Variants in CNTNAP2 observed in about 807,000 individuals in gnomAD.
The protein encoded by CNTNAP2 is contactin-associated protein-like 2.
In CNTNAP2, 98 loss-of-function variants were observed where a neutral mutation model predicts 155.2. The ratio of observed to expected loss-of-function variants is 0.63; its 90% CI spans 0.54 to 0.75. The LOEUF (loss-of-function observed/expected upper bound fraction) is 0.75, where lower values mean the gene tolerates loss of function less well. Among genes scored for constraint, CNTNAP2 ranks in the 30% least tolerant of loss-of-function variants. CNTNAP2 has a pLI of 0.00. For missense variants in CNTNAP2, 1,727 were observed against 1,688.1 expected (o/e 1.02, Z -0.40); for synonymous variants, 651 against 631.2 (o/e 1.03, Z -0.47).
chr7:146,497,590 A>G (rs1797237708), intron 1 of CNTNAP2, among the ~76,000 whole-genome samples: 1 of 151,818 alleles, frequency 6.6e-6, no homozygotes, highest in African/African-American at 2.4e-5. Flanking sequence ...TATTCATTCT[A>G]TACTTTCTCT....
At chr7:146,137,976 G>GT (rs1004312230) in intron 1 of CNTNAP2, among the ~76,000 whole-genome samples, 1 of 151,684 alleles carries the variant, frequency 6.6e-6, no homozygotes, top group Non-Finnish European at 1.5e-5. Context: ...TGAGGTTTGG[G>GT]TTTTTTTATT....
At chr7:146,141,659 T>C (rs1308326679) in intron 1 of CNTNAP2, among the ~76,000 whole-genome samples, 1 of 152,154 alleles carries the variant, frequency 6.6e-6, no homozygotes, top group Non-Finnish European at 1.5e-5. Flanking sequence ...TAGGTGGTTT[T>C]CTTTTCAAGC....
chr7:146,320,780 A>T (rs922780542), intron 1 of CNTNAP2, among the ~76,000 whole-genome samples: 4 of 152,202 alleles, frequency 2.6e-5, no homozygotes, highest in African/African-American at 9.6e-5. Context: ...GAGTTCAAAC[A>T]TTAAAGTTAA....
At chr7:147,566,826 C>T (rs1222781646) in intron 12 of CNTNAP2, among the ~76,000 whole-genome samples, 1 of 152,020 alleles carries the variant, frequency 6.6e-6, no homozygotes, top group African/African-American at 2.4e-5. Context: ...GATTAGGGTT[C>T]TCGTGTTAAA....
At chr7:147,683,790 C>G (rs1184395909) in intron 13 of CNTNAP2, among the ~76,000 whole-genome samples, 1 of 149,502 alleles carries the variant, frequency 6.7e-6, no homozygotes, top group East Asian at 2.0e-4. Flanking sequence ...CGTCAATATC[C>G]TGTCTTCACT....
intron 15 of CNTNAP2, among the ~76,000 whole-genome samples, chr7:148,111,025 G>A (rs552647737): frequency 6.6e-6 from 1 of 152,154 alleles, no homozygotes; most frequent in Non-Finnish European, 1.5e-5. Flanking sequence ...ACTGACATTC[G>A]GAGTCCCTTC....
chr7:148,123,676 GA>G (rs1804651253), intron 16 of CNTNAP2, among the ~76,000 whole-genome samples: 1 of 141,658 alleles, frequency 7.1e-6, no homozygotes, highest in Non-Finnish European at 1.6e-5. Flanking sequence ...AGGAAGGAAG[GA>G]AGGAAGGAAA....
At chr7:146,551,534 A>G (rs1013894908) in intron 1 of CNTNAP2, among the ~76,000 whole-genome samples, 1 of 151,962 alleles carries the variant, frequency 6.6e-6, no homozygotes, top group African/African-American at 2.4e-5. Context: ...AATCCAGTCT[A>G]TCATTGTTGG....
At chr7:146,915,309 C>T (rs1358441793) in intron 3 of CNTNAP2, among the ~76,000 whole-genome samples, 2 of 151,862 alleles carry the variant, frequency 1.3e-5, no homozygotes, top group African/African-American at 4.8e-5. Context: ...TTTTCTGATG[C>T]CATATAAATT....
intron 1 of CNTNAP2, among the ~76,000 whole-genome samples, chr7:146,202,080 TATACTGC>T (rs1798872388): frequency 6.6e-6 from 1 of 152,188 alleles, no homozygotes; most frequent in Non-Finnish European, 1.5e-5. Context: ...TGTCTTCATT[TATACTGC>T]ATCCTTATCT....
At chr7:148,176,211 CTTTTTTTTTTTTTT>C (rs1188113801) in intron 18 of CNTNAP2, among the ~76,000 whole-genome samples, 126 of 92,802 alleles carry the variant, frequency 1.4e-3, no homozygotes, top group African/African-American at 5.1e-3. Flanking sequence ...CTTTCTTTCT[CTTTTTTTTTTTTTT>C]TTTTTTTTTT....
At chr7:146,456,823 T>C (rs993933497) in intron 1 of CNTNAP2, among the ~76,000 whole-genome samples, 2 of 152,162 alleles carry the variant, frequency 1.3e-5, no homozygotes, top group African/African-American at 4.8e-5. Flanking sequence ...TTTATGCTTC[T>C]ATACATGCAA....
At chr7:146,893,110 A>G (rs549746962) in intron 3 of CNTNAP2, among the ~76,000 whole-genome samples, 1 of 152,140 alleles carries the variant, frequency 6.6e-6, no homozygotes, top group South Asian at 2.1e-4. Context: ...CATTTATTTT[A>G]TATCTCTTGC....
At chr7:146,228,710 G>A (rs894426469) in intron 1 of CNTNAP2, among the ~76,000 whole-genome samples, 3 of 151,892 alleles carry the variant, frequency 2.0e-5, no homozygotes. Context: ...TTTCCTTATT[G>A]TTTTATCATT....
At chr7:146,246,681 C>G (rs1799663743) in intron 1 of CNTNAP2, among the ~76,000 whole-genome samples, 1 of 151,874 alleles carries the variant, frequency 6.6e-6, no homozygotes, top group South Asian at 2.1e-4. Context: ...GGGAAGGAGT[C>G]AGAGAGCCTT....
chr7:147,385,170 TC>T (rs1796604833), intron 9 of CNTNAP2, among the ~76,000 whole-genome samples: 1 of 152,142 alleles, frequency 6.6e-6, no homozygotes, highest in Non-Finnish European at 1.5e-5. Context: ...TTCAATTACC[TC>T]CCACCAGATT....
intron 1 of CNTNAP2, among the ~76,000 whole-genome samples, chr7:146,618,435 A>G (rs533306366): frequency 6.6e-6 from 1 of 152,300 alleles, no homozygotes; most frequent in South Asian, 2.1e-4. Context: ...GGATGCTTTC[A>G]AATTATTTAC....
chr7:148,297,666 T>G (rs1797309783), intron 21 of CNTNAP2, among the ~76,000 whole-genome samples: 1 of 87,622 alleles, frequency 1.1e-5, no homozygotes, highest in Non-Finnish European at 2.6e-5. Context: ...ATATCTTAAT[T>G]TTTTTTTATC....
At chr7:147,556,779 A>T (rs1025477035) in intron 11 of CNTNAP2, among the ~76,000 whole-genome samples, 2 of 152,198 alleles carry the variant, frequency 1.3e-5, no homozygotes. Context: ...CTGTATCATT[A>T]TTATTAACAG....
Sources: gnomAD v4.1 joint callset for allele counts (sites outside exome capture counted in the v4.1 genomes callset) on GRCh38, gnomAD v4.1.1 for gene constraint, MANE v1.5 for transcripts, NCBI Gene and HGNC (gene_info 2026-07-23, HGNC 2026-07-21) for gene names.